Variants in SLAMF1 observed in about 807,000 individuals in gnomAD.
SLAMF1 encodes the protein signaling lymphocytic activation molecule.
A neutral mutation model predicts 35.1 loss-of-function variants in SLAMF1; 18 were observed. The ratio of observed to expected loss-of-function variants is 0.51; its 90% CI spans 0.35 to 0.76. SLAMF1 has a LOEUF of 0.76. Ranked by LOEUF, SLAMF1 falls within the 30% of genes least tolerant of loss-of-function variation. SLAMF1 has a pLI of 0.01. For synonymous variants in SLAMF1, 168 were observed against 157.2 expected, an observed-to-expected ratio of 1.07 and a Z score of -0.51; for missense variants, 392 against 413.0, an observed-to-expected ratio of 0.95 and a Z score of 0.44.
chr1:160,622,330 ATCACG>A (rs1659660052), intron 4 of SLAMF1, among the ~76,000 whole-genome samples: 1 of 152,234 alleles, frequency 6.6e-6, no homozygotes. Flanking sequence ...CATTGGACAA[ATCACG>A]TCATCTCAAT....
intron 3 of SLAMF1, among the ~76,000 whole-genome samples, chr1:160,633,820 G>A (rs552739439): frequency 6.6e-6 from 1 of 152,262 alleles, no homozygotes; most frequent in East Asian, 1.9e-4. Context: ...TAGGTTTAGG[G>A]GTTAACTCCA....
chr1:160,610,596 T>G lies in SLAMF1; in HGVS notation c.*152A>C, dbSNP rs1570957766. ...CACTTCCTTGTTCATTTCACAGATG[T>G]ATGTGGAAGAAACATCACCAGGGAG... On this transcript the variant is annotated 3_prime_UTR_variant, in exon 7 of 7. Coordinates refer to ENST00000302035, the MANE Select transcript of SLAMF1 (RefSeq NM_003037.5). The G allele has an allele frequency of 1.5e-6, 1 of 650,514 alleles. No homozygotes were observed. Among genetic ancestry groups the G allele is most frequent in the Non-Finnish European group, 2.8e-6 (1 of 357,408 alleles). 40.3% of individuals were successfully genotyped at this position (650,514 alleles called of 1,614,324 possible).
At chr1:160,640,515 G>A (rs1660694313) in intron 1 of SLAMF1, among the ~76,000 whole-genome samples, 1 of 151,782 alleles carries the variant, frequency 6.6e-6, no homozygotes, top group African/African-American at 2.4e-5. Context: ...TGATAAGAAA[G>A]TCAGAGAGTA....
intron 1 of SLAMF1, among the ~76,000 whole-genome samples, chr1:160,644,341 T>G (rs1660918894): frequency 4.6e-5 from 7 of 152,242 alleles, no homozygotes. Flanking sequence ...GAGAAATTGC[T>G]AAACTACTCT....
intron 3 of SLAMF1, among the ~76,000 whole-genome samples, chr1:160,629,398 A>G (rs1383344433): frequency 6.6e-6 from 1 of 152,138 alleles, no homozygotes; most frequent in Non-Finnish European, 1.5e-5. Context: ...AATCTGAGAA[A>G]CAAATGCAGT....
intron 1 of SLAMF1, among the ~76,000 whole-genome samples, chr1:160,640,331 TATATATATATATATA>T (rs1660675188): frequency 1.1e-5 from 1 of 93,372 alleles, no homozygotes; most frequent in Non-Finnish European, 2.3e-5. Context: ...TTGTCATATA[TATATATATATATATA>T]TATATATATA....
intron 1 of SLAMF1, among the ~76,000 whole-genome samples, chr1:160,638,810 C>T (rs1660591551): frequency 6.6e-6 from 1 of 152,206 alleles, no homozygotes; most frequent in Non-Finnish European, 1.5e-5. Flanking sequence ...CCTTCAAACG[C>T]TGTCATCATT....
chr1:160,626,702 C>T (rs1001953819), intron 3 of SLAMF1, among the ~76,000 whole-genome samples: 11 of 152,108 alleles, frequency 7.2e-5, no homozygotes, highest in African/African-American at 2.2e-4. Context: ...GTGCTTTAGC[C>T]TCTGGAGATG....
At chr1:160,632,474 C>T (rs943527770) in intron 3 of SLAMF1, among the ~76,000 whole-genome samples, 26 of 152,282 alleles carry the variant, frequency 1.7e-4, no homozygotes, top group African/African-American at 6.3e-4. Flanking sequence ...CATTCTTGGT[C>T]CTCAGAGTGG....
Position 160,637,336 on chromosome 1 carries a change from A to G in SLAMF1, c.270T>C (p.Arg90=). The G allele has an allele frequency of 1.9e-6, 3 of 1,614,118 alleles. No homozygotes were observed. Among genetic ancestry groups the G allele is most frequent in the Non-Finnish European group, 2.5e-6 (3 of 1,179,966 alleles). The change falls in exon 2 of 7, where the codon CGT becomes CGC. Residue 90 remains arginine (R), a synonymous_variant. Transcript: ENST00000302035. The part of the protein sequence containing the change: ...SLDPSEAGPP[R]YLGDRYKFYL... The stretch of plus-strand genomic sequence containing the variant: ...AAAACTTGTAGCGATCTCCTAGATA[A>G]CGTGGAGGGCCTGCTTCGGATGGAT...
At chr1:160,631,096 G>T (rs576401368) in intron 3 of SLAMF1, among the ~76,000 whole-genome samples, 1 of 152,208 alleles carries the variant, frequency 6.6e-6, no homozygotes, top group South Asian at 2.1e-4. Flanking sequence ...TTATCTTTGT[G>T]TACTGGCCCC....
chr1:160,626,274 G>A (rs1052885306), intron 3 of SLAMF1, among the ~76,000 whole-genome samples: 2 of 152,132 alleles, frequency 1.3e-5, no homozygotes, highest in African/African-American at 4.8e-5. Context: ...CCTCGCGCCC[G>A]ACGCCGGTTG....
Position 160,620,728 on chromosome 1 carries a change from G to A in SLAMF1, c.791-879C>T, listed in dbSNP as rs190849229. On this transcript the variant is annotated intron_variant, in intron 4 of 6. Coordinates refer to ENST00000302035, the MANE Select transcript of SLAMF1 (RefSeq NM_003037.5). ...AAGAAACCATTTTTAAAAGTTTGAT[G>A]TATATCCCTGTAGATCAGCTCTGTG... Among the ~76,000 whole-genome samples the A allele has an allele frequency of 3.2e-3, 492 of 152,278 alleles. 1 individual carries two copies. Among genetic ancestry groups the A allele is most frequent in the African/African-American group, 0.011 (463 of 41,550 alleles).
intron 3 of SLAMF1, among the ~76,000 whole-genome samples, chr1:160,629,470 C>T (rs970650330): frequency 1.3e-5 from 2 of 152,168 alleles, no homozygotes; most frequent in African/African-American, 4.8e-5. Context: ...TCCTTCCTGC[C>T]TTTCATGTGG....
chr1:160,637,104 A>G, intron 2 of SLAMF1, 87 bp downstream of exon 2: 1 of 812,612 alleles, frequency 1.2e-6, no homozygotes, highest in Non-Finnish European at 2.1e-6. Flanking sequence ...AATTCTGAAT[A>G]CCCTTTGCTT....
intron 2 of SLAMF1, among the ~76,000 whole-genome samples, chr1:160,636,054 G>A (rs936606924): frequency 6.6e-6 from 1 of 152,174 alleles, no homozygotes; most frequent in African/African-American, 2.4e-5. Flanking sequence ...TTTGGCTTGA[G>A]AAAAATGCCA....
At chr1:160,624,357 A>G (rs1659769487) in intron 3 of SLAMF1, among the ~76,000 whole-genome samples, 172 bp from the exon 4 acceptor site, 1 of 152,090 alleles carries the variant, frequency 6.6e-6, no homozygotes. Context: ...AAATTTTTGT[A>G]TCTGTTTTCT....
chr1:160,614,598 A>G (rs896041833), intron 5 of SLAMF1, among the ~76,000 whole-genome samples: 6 of 151,310 alleles, frequency 4.0e-5, no homozygotes, highest in Admixed American at 4.0e-4. Flanking sequence ...AAAAGAAGAG[A>G]GACCTTTATC....
At chr1:160,632,814 A>G (rs1415784217) in intron 3 of SLAMF1, among the ~76,000 whole-genome samples, 1 of 152,146 alleles carries the variant, frequency 6.6e-6, no homozygotes, top group African/African-American at 2.4e-5. Context: ...TATGGTTTAT[A>G]AGGCATTTTA....
Sources: allele counts gnomAD v4.1 joint callset (sites outside exome capture counted in the v4.1 genomes callset), GRCh38; gene constraint gnomAD v4.1.1; transcripts MANE v1.5; gene names NCBI Gene and HGNC (gene_info 2026-07-23, HGNC 2026-07-21).